The following MCF2L2 variants were observed in gnomAD, a reference collection of about 807,000 sequenced individuals.
The protein encoded by MCF2L2 is probable guanine nucleotide exchange factor MCF2L2.
A neutral mutation model predicts 150.2 loss-of-function variants in MCF2L2; 102 were observed. That is an observed-to-expected ratio of 0.68 (90% CI 0.58 to 0.80). MCF2L2 has a LOEUF of 0.80. Ranked by LOEUF, MCF2L2 falls within the 30% of genes least tolerant of loss-of-function variation. The pLI is 0.00. For synonymous variants in MCF2L2, 465 were observed against 491.3 expected, an observed-to-expected ratio of 0.95 and a Z score of 0.71; for missense variants, 1,256 against 1,372.8, an observed-to-expected ratio of 0.91 and a Z score of 1.34.
At chr3:183,378,966 G>A (rs764612689) in intron 3 of MCF2L2, 6 of 195,568 alleles carry the variant, frequency 3.1e-5, no homozygotes, top group African/African-American at 4.7e-5. Flanking sequence ...AACAGAGCAA[G>A]ACTCCATCTC....
intron 10 of MCF2L2, among the ~76,000 whole-genome samples, chr3:183,308,755 A>G (rs1729221353): frequency 6.6e-6 from 1 of 152,190 alleles, no homozygotes; most frequent in Admixed American, 6.5e-5. Context: ...TAAAATGCAG[A>G]TTCCAATTCC....
chr3:183,192,158 TCAGA>T (rs1483532889), intron 27 of MCF2L2, among the ~76,000 whole-genome samples: 4 of 151,488 alleles, frequency 2.6e-5, no homozygotes. Context: ...ATTTATTTTT[TCAGA>T]CAGAGTCTCA....
At chr3:183,205,981 T>C in intron 24 of MCF2L2, 27 bp from the exon 25 acceptor site, 2 of 1,597,586 alleles carry the variant, frequency 1.3e-6, no homozygotes, top group Non-Finnish European at 1.7e-6. Context: ...GAAAACACTA[T>C]AAGACTACCA....
chr3:183,400,191 T>A (rs750004609), intron 1 of MCF2L2, among the ~76,000 whole-genome samples: 32 of 152,322 alleles, frequency 2.1e-4, no homozygotes, highest in African/African-American at 4.1e-4. Context: ...ATGCTTTTTT[T>A]AAAAAAGTCA....
intron 23 of MCF2L2, 42 bp from the exon 24 acceptor site, chr3:183,206,256 T>G (rs765908076): frequency 1.4e-6 from 2 of 1,412,672 alleles, no homozygotes; most frequent in Non-Finnish European, 2.0e-6. Context: ...ACCATCGTTT[T>G]CTGATTTTAA....
chr3:183,253,973 G>A (rs1250932974), intron 15 of MCF2L2: 2 of 152,112 alleles, frequency 1.3e-5, no homozygotes, highest in South Asian at 2.1e-4. Flanking sequence ...TCCAGGCCAC[G>A]GATGGTTCGT....
chr3:183,343,829 T>C (rs982333400), intron 3 of MCF2L2, among the ~76,000 whole-genome samples: 1 of 152,176 alleles, frequency 6.6e-6, no homozygotes, highest in Admixed American at 6.5e-5. Flanking sequence ...AAAATAAATA[T>C]GTCACAACAA....
intron 27 of MCF2L2, among the ~76,000 whole-genome samples, chr3:183,189,840 C>T (rs1214233446): frequency 6.6e-6 from 1 of 152,238 alleles, no homozygotes; most frequent in East Asian, 1.9e-4. Flanking sequence ...ACCCAGACAT[C>T]CTCATTCCCA....
At chr3:183,290,620 G>A (rs753250953) in intron 13 of MCF2L2, among the ~76,000 whole-genome samples, 3 of 151,618 alleles carry the variant, frequency 2.0e-5, no homozygotes, top group Non-Finnish European at 4.4e-5. Flanking sequence ...TGCAACCTCC[G>A]CCTCCCAGGT....
In MCF2L2 at chr3:183,179,650, A is replaced by C. The variant is rs1277758977; in HGVS notation, c.3148T>G (p.Ser1050Ala). ...CTCTCCAGGAAAGCAGATTTGGAGG[A>C]ACAGGTTTCGTGACTGTCGTCCGAC... ...FQSDDSHETC[S>A]SKSAFLERGE... Residue 1050 changes from serine (S) to alanine (A), a missense_variant, in exon 29 of 30, where the codon TCC (serine) becomes GCC (alanine). Transcript: ENST00000328913. The surrounding 1 kb of genome is among the most constrained non-coding windows in gnomAD (Gnocchi z 4.2). 1.9e-6 allele frequency: 3 copies of C among 1,613,960 alleles called. No homozygotes were observed. The highest frequency in any genetic ancestry group is 2.5e-6 in the Non-Finnish European group (3 of 1,179,996).
intron 3 of MCF2L2, among the ~76,000 whole-genome samples, chr3:183,364,287 C>T (rs547423044): frequency 7.9e-5 from 12 of 152,056 alleles, no homozygotes; most frequent in South Asian, 2.1e-4. Flanking sequence ...GAGGGCGAGG[C>T]GGGCGGATCA....
intron 11 of MCF2L2, 51 bp downstream of exon 11, chr3:183,299,954 T>C (rs747441747): frequency 6.3e-7 from 1 of 1,578,008 alleles, no homozygotes; most frequent in Non-Finnish European, 8.6e-7. Context: ...GATGGAAGCT[T>C]CTTCACAGAA....
intron 15 of MCF2L2, among the ~76,000 whole-genome samples, chr3:183,231,751 G>A (rs1170220669): frequency 6.6e-6 from 1 of 152,078 alleles, no homozygotes; most frequent in Non-Finnish European, 1.5e-5. Context: ...GAGACACTGT[G>A]CCAGGCCAGA....
intron 27 of MCF2L2, among the ~76,000 whole-genome samples, chr3:183,192,297 C>T (rs1310456891): frequency 6.6e-6 from 1 of 152,016 alleles, no homozygotes; most frequent in Non-Finnish European, 1.5e-5. Flanking sequence ...CACCACCACG[C>T]CCGGCTGATT....
rs1245600958 is a variant in MCF2L2 at position 183,427,928 on chromosome 3, C to G, written c.50G>C (p.Arg17Pro). The G allele has an allele frequency of 1.9e-6, 3 of 1,613,966 alleles. No individual in the cohort carries two copies. In the African/African-American group the frequency reaches 4.0e-5, roughly 22 times the overall value. Residue 17 changes from arginine to proline, a missense_variant, in exon 1 of 30, where the codon CGA (arginine) becomes CCA (proline). Physicochemically the swap from Arg to Pro is moderately radical, Grantham distance 103 (BLOSUM62 -2). Coordinates refer to ENST00000328913, the MANE Select transcript of MCF2L2 (RefSeq NM_015078.4). ...GACATGAGTGATCACTGTGGCCAGTCGCCGGGTGAGCTCCTGGGGAGGCAT... is the reference window on the plus strand; with the variant it reads ...GACATGAGTGATCACTGTGGCCAGTGGCCGGGTGAGCTCCTGGGGAGGCAT... ...EEMPPQELTR[R>P]LATVITHVDE...
At chr3:183,377,611 CAGA>C (rs2108584873) in intron 3 of MCF2L2, 1 of 152,210 alleles carries the variant, frequency 6.6e-6, no homozygotes, top group South Asian at 2.1e-4. Context: ...CTGGGAGAGG[CAGA>C]AATAATTTCC....
At chr3:183,195,352 A>G in intron 25 of MCF2L2, 97 bp from the exon 26 acceptor site, 1 of 788,584 alleles carries the variant, frequency 1.3e-6, no homozygotes. Flanking sequence ...ATGCATAAAG[A>G]GAATACTATA....
In MCF2L2 at chr3:183,179,577, G is replaced by A. The variant is rs753248648; in HGVS notation, c.3221C>T (p.Thr1074Met). 6.2e-7 allele frequency: 1 copy of A among 1,614,068 alleles called. No homozygotes were observed. Among genetic ancestry groups the A allele is most frequent in the Non-Finnish European group, 8.5e-7 (1 of 1,179,948 alleles). ...GEKEERDEEETATRSTEEERA... is the reference protein window; with the variant it reads ...GEKEERDEEEMATRSTEEERA... ...TTAGTCTTTCCTCGCTCACACTCAC[G>A]TTTCCTCCTCATCGCGTTCTTCTTT... The change falls in exon 29 of 30, where the codon ACG (threonine) becomes ATG (methionine). Residue 1074 changes from threonine to methionine, a missense_variant and splice_region_variant. Thr to Met is a moderately conservative substitution (Grantham distance 81, BLOSUM62 -1). Transcript: ENST00000328913. This position sits in a 1 kb window ranked among gnomAD's most constrained non-coding sequence, Gnocchi z 4.2.
At chr3:183,349,540 G>A (rs1731030612) in intron 3 of MCF2L2, among the ~76,000 whole-genome samples, 1 of 152,230 alleles carries the variant, frequency 6.6e-6, no homozygotes, top group African/African-American at 2.4e-5. Context: ...TGCTGCACTA[G>A]CAAAAACGTG....
Sources: allele counts gnomAD v4.1 joint callset (sites outside exome capture counted in the v4.1 genomes callset), GRCh38; gene constraint gnomAD v4.1.1; non-coding constraint Gnocchi (gnomAD v3.1); transcripts MANE v1.5; gene names NCBI Gene and HGNC (gene_info 2026-07-23, HGNC 2026-07-21).